Variants in CDK6 observed in about 807,000 individuals in gnomAD.
CDK6 encodes the protein cyclin-dependent kinase 6.
Under a neutral mutation model 37.1 loss-of-function variants are expected in CDK6, and 6 were observed. The ratio of observed to expected loss-of-function variants is 0.16; its 90% CI spans 0.09 to 0.32. CDK6 has a LOEUF of 0.32. Ranked by LOEUF, CDK6 falls within the 10% of genes least tolerant of loss-of-function variation. The probability of loss-of-function intolerance (pLI) is 1.00; values close to 1 mark genes in which losing one functional copy is unlikely to be tolerated. For missense variants in CDK6, 224 were observed against 418.9 expected, an observed-to-expected ratio of 0.53 and a Z score of 4.06; for synonymous variants, 160 against 161.3, an observed-to-expected ratio of 0.99 and a Z score of 0.06.
intron 5 of CDK6, among the ~76,000 whole-genome samples, chr7:92,652,392 G>A (rs1796596830): frequency 6.6e-6 from 1 of 151,806 alleles, no homozygotes; most frequent in African/African-American, 2.4e-5. Flanking sequence ...TTTCATCTTT[G>A]GTTTTTCACT....
intron 4 of CDK6, among the ~76,000 whole-genome samples, chr7:92,688,649 T>G (rs922231081): frequency 1.3e-4 from 19 of 140,906 alleles, no homozygotes; most frequent in African/African-American, 4.3e-4. Flanking sequence ...CTTAGACAAT[T>G]TAGGCATTGA....
chr7:92,686,507 C>G (rs566400655), intron 4 of CDK6, among the ~76,000 whole-genome samples: 7 of 151,942 alleles, frequency 4.6e-5, no homozygotes, highest in Non-Finnish European at 1.0e-4. Context: ...TATATATATA[C>G]CACATTTTCT....
chr7:92,610,838 T>C lies in CDK6; in HGVS notation c.*4302A>G, dbSNP rs1229746532. On this transcript the variant is annotated 3_prime_UTR_variant, in exon 8 of 8. Transcript: ENST00000424848. ...TAAGGTTCACAATTTTTCAAAAGTA[T>C]TGGTGGCATAGGAAACACATGCCTT... 1 of 228,448 alleles carries C rather than the reference T, an allele frequency of 4.4e-6. No individual in the cohort carries two copies. The highest frequency in any genetic ancestry group is 8.7e-6 in the Non-Finnish European group (1 of 115,162). 14.2% of individuals were successfully genotyped at this position (228,448 alleles called of 1,614,324 possible).
intron 3 of CDK6, among the ~76,000 whole-genome samples, chr7:92,736,988 T>C (rs1429481153): frequency 6.6e-6 from 1 of 152,240 alleles, no homozygotes; most frequent in East Asian, 1.9e-4. Context: ...TTGCACACTG[T>C]GTGATCTTGG....
Position 92,609,704 on chromosome 7 carries a change from G to T in CDK6, c.*5436C>A, listed in dbSNP as rs548792821. The T allele has an allele frequency of 8.2e-5, 19 of 231,314 alleles. No homozygotes were observed. Among genetic ancestry groups the T allele is most frequent in the Middle Eastern group, 1.3e-3 (1 of 770 alleles). The allele number at this position is 231,314 out of a possible 1,614,324, so 14.3% of individuals were successfully genotyped here. A position where few individuals can be genotyped will look rare whatever the true frequency, so the allele number is the denominator to read the frequency against. Reference sequence around the variant, plus strand: ...TGTGTTTTAACTGGGGCCACTAAAGGAGTTTTATACTTCTAACGAAACTAT... The same window carrying T: ...TGTGTTTTAACTGGGGCCACTAAAGTAGTTTTATACTTCTAACGAAACTAT... On this transcript the variant is annotated 3_prime_UTR_variant, in exon 8 of 8. Transcript: ENST00000424848.
At chr7:92,672,182 C>CACAT (rs1797094448) in intron 4 of CDK6, among the ~76,000 whole-genome samples, 2 of 94,744 alleles carry the variant, frequency 2.1e-5, no homozygotes, top group African/African-American at 8.5e-5. Flanking sequence ...CACACACACA[C>CACAT]AGACACATAC....
intron 4 of CDK6, among the ~76,000 whole-genome samples, chr7:92,693,559 T>C (rs1389787897): frequency 6.6e-6 from 1 of 152,260 alleles, no homozygotes; most frequent in African/African-American, 2.4e-5. Context: ...TAATTCATCA[T>C]TATATACTTT....
rs1490769115 is a variant in CDK6, at chr7:92,609,312, G to A, written c.*5828C>T. ...CTCTAAAATTAACTTAATCATTTGG[G>A]GTATAAGAAGTCTTTAAGTAGACTT... is the stretch of plus-strand genomic sequence containing the variant. On this transcript the variant is annotated 3_prime_UTR_variant, in exon 8 of 8. Transcript: ENST00000424848. 3 of 231,868 alleles carry A rather than the reference G, an allele frequency of 1.3e-5. No homozygotes were observed. The highest frequency in any genetic ancestry group is 6.6e-5 in the African/African-American group (3 of 45,132). 14.4% of individuals were successfully genotyped at this position (231,868 alleles called of 1,614,324 possible). A position where few individuals can be genotyped will look rare whatever the true frequency, so the allele number is the denominator to read the frequency against.
chr7:92,776,105 C>A (rs1017304547), intron 2 of CDK6, among the ~76,000 whole-genome samples: 2 of 151,384 alleles, frequency 1.3e-5, no homozygotes, highest in Non-Finnish European at 2.9e-5. Context: ...GTTCCCCTCC[C>A]TGTGTCCATG....
At chr7:92,702,045 A>T (rs959984632) in intron 4 of CDK6, among the ~76,000 whole-genome samples, 5 of 152,084 alleles carry the variant, frequency 3.3e-5, no homozygotes, top group Admixed American at 6.5e-5. Flanking sequence ...TGCAGAAAAC[A>T]TGTCACTTCA....
intron 2 of CDK6, among the ~76,000 whole-genome samples, chr7:92,787,331 TAAG>T (rs1373092256): frequency 6.6e-6 from 1 of 151,962 alleles, no homozygotes; most frequent in Non-Finnish European, 1.5e-5. Flanking sequence ...ATTTAAAAAA[TAAG>T]AATCATAAAA....
At chr7:92,782,056 T>C (rs968972723) in intron 2 of CDK6, among the ~76,000 whole-genome samples, 2 of 152,106 alleles carry the variant, frequency 1.3e-5, no homozygotes. Context: ...TAGAAGCAAA[T>C]TGCGATTTCA....
chr7:92,834,575 C>T lies in CDK6; in HGVS notation c.-367-885G>A, dbSNP rs1381073552. ...TGTTCGCCACAATTTCGCTTGTCGTCTCCTTAAAGAATAACTTCAGGAAGG... is the reference window on the plus strand; with the variant it reads ...TGTTCGCCACAATTTCGCTTGTCGTTTCCTTAAAGAATAACTTCAGGAAGG... On this transcript the variant is annotated intron_variant, in intron 1 of 7. Coordinates refer to ENST00000424848, the MANE Select transcript of CDK6 (RefSeq NM_001145306.2). The surrounding 1 kb of genome is among the most constrained non-coding windows in gnomAD (Gnocchi z 4.6). Among the ~76,000 whole-genome samples, 1 of 151,444 alleles carries T rather than the reference C, an allele frequency of 6.6e-6. No individual in the cohort carries two copies. Among genetic ancestry groups the T allele is most frequent in the Non-Finnish European group, 1.5e-5 (1 of 67,950 alleles).
intron 2 of CDK6, among the ~76,000 whole-genome samples, chr7:92,791,027 C>T (rs1200446559): frequency 2.0e-5 from 3 of 152,048 alleles, no homozygotes; most frequent in Non-Finnish European, 4.4e-5. Flanking sequence ...GGTAAGACCA[C>T]CTGTAAGGAG....
chr7:92,619,054 T>C (rs940524914), intron 6 of CDK6, among the ~76,000 whole-genome samples: 8 of 152,202 alleles, frequency 5.3e-5, no homozygotes, highest in African/African-American at 1.9e-4. Flanking sequence ...TGAGGATCAG[T>C]TATACTTTAT....
At chr7:92,649,934 T>C (rs1796534606) in intron 5 of CDK6, among the ~76,000 whole-genome samples, 1 of 152,214 alleles carries the variant, frequency 6.6e-6, no homozygotes, top group Non-Finnish European at 1.5e-5. Context: ...CAACCAGACC[T>C]TGTGCTAACA....
At position 92,831,786 on chromosome 7, in the gene CDK6, C is replaced by T. The variant is rs3731265; in HGVS notation, c.233+1305G>A. On this transcript the variant is annotated intron_variant, in intron 2 of 7. Transcript: ENST00000424848. ...TCTAAACTGCGTTGGGAACAAAGCA[C>T]CGCACAAATCACCAGCCTGGGATAA... is the stretch of plus-strand genomic sequence containing the variant. 5.4e-3 allele frequency among the ~76,000 whole-genome samples: 820 copies of T among 152,252 alleles called. 4 individuals carry two copies. Among genetic ancestry groups the T allele is most frequent in the Middle Eastern group, 0.01 (3 of 294 alleles).
intron 5 of CDK6, among the ~76,000 whole-genome samples, chr7:92,650,580 T>G (rs1283877641): frequency 6.6e-6 from 1 of 152,234 alleles, no homozygotes; most frequent in East Asian, 1.9e-4. Flanking sequence ...GCTCAGCTGG[T>G]TCTCTGTTAG....
chr7:92,756,487 TTTC>T (rs1311837038), intron 3 of CDK6, among the ~76,000 whole-genome samples: 1 of 152,178 alleles, frequency 6.6e-6, no homozygotes, highest in Non-Finnish European at 1.5e-5. Context: ...CTTTACCCAG[TTTC>T]TGGGAAAATA....
Sources: allele counts gnomAD v4.1 joint callset (sites outside exome capture counted in the v4.1 genomes callset), GRCh38; gene constraint gnomAD v4.1.1; non-coding constraint Gnocchi (gnomAD v3.1); transcripts MANE v1.5; gene names NCBI Gene and HGNC (gene_info 2026-07-23, HGNC 2026-07-21).